Variants in CDH13 observed in about 807,000 individuals in gnomAD.
CDH13 encodes the protein cadherin-13.
A neutral mutation model predicts 63.8 loss-of-function variants in CDH13; 24 were observed. The ratio of observed to expected loss-of-function variants is 0.38; its 90% CI spans 0.27 to 0.53. The LOEUF (loss-of-function observed/expected upper bound fraction) is 0.53, where lower values mean the gene tolerates loss of function less well. Ranked by LOEUF, CDH13 falls within the 20% of genes least tolerant of loss-of-function variation. The pLI is 0.85. For missense variants in CDH13, 1,049 were observed against 903.1 expected (o/e 1.16, Z -2.07); for synonymous variants, 503 against 355.3 (o/e 1.42, Z -4.67).
chr16:82,725,323 G>A (rs1428234823), intron 1 of CDH13, among the ~76,000 whole-genome samples: 1 of 152,130 alleles, frequency 6.6e-6, no homozygotes, highest in Non-Finnish European at 1.5e-5. Context: ...TGTGGCCTTG[G>A]GCAGAGCATA....
intron 1 of CDH13, among the ~76,000 whole-genome samples, chr16:82,647,045 A>T (rs1910177881): frequency 1.3e-5 from 2 of 152,130 alleles, no homozygotes; most frequent in Non-Finnish European, 2.9e-5. Context: ...GTACACCATG[A>T]CAGTTAAGAG....
At chr16:82,731,603 T>C (rs1053727054) in intron 1 of CDH13, among the ~76,000 whole-genome samples, 12 of 152,236 alleles carry the variant, frequency 7.9e-5, no homozygotes, top group African/African-American at 2.7e-4. Flanking sequence ...ATCTTGCTTG[T>C]TCATTTAAAT....
chr16:82,859,086 A>G (rs1306790258), intron 2 of CDH13: 1 of 152,340 alleles, frequency 6.6e-6, no homozygotes, highest in Non-Finnish European at 1.5e-5. Context: ...TTTTAATGTC[A>G]ATATTATATT....
intron 3 of CDH13, among the ~76,000 whole-genome samples, chr16:83,076,512 T>A (rs992312543): frequency 2.6e-5 from 4 of 152,176 alleles, no homozygotes; most frequent in African/African-American, 9.7e-5. Context: ...TATTTTATTG[T>A]GAACATTTTC....
chr16:83,012,654 C>T (rs1019404972), intron 2 of CDH13, among the ~76,000 whole-genome samples: 4 of 152,102 alleles, frequency 2.6e-5, no homozygotes, highest in East Asian at 3.9e-4. Context: ...GTTTTGCACC[C>T]GAACTTGATC....
At position 82,676,128 on chromosome 16, in the gene CDH13, T is replaced by C. The variant is rs1189864878; in HGVS notation, c.45+48991T>C. Among the ~76,000 whole-genome samples, 8 of 152,354 alleles carry C rather than the reference T, an allele frequency of 5.3e-5. No individual in the cohort carries two copies. In the East Asian group the frequency reaches 1.5e-3, roughly 29 times the overall value. On this transcript the variant is annotated intron_variant, in intron 1 of 13. Transcript: ENST00000567109. ...TTTATTTTCACAATGATCTCATCCA[T>C]GTCCATGGATTCAACTTTATCTACC...
At chr16:82,861,943 A>G (rs1237308151) in intron 2 of CDH13, among the ~76,000 whole-genome samples, 1 of 152,226 alleles carries the variant, frequency 6.6e-6, no homozygotes, top group African/African-American at 2.4e-5. Context: ...TCAGTCTTGA[A>G]AGTTTATCTG....
In CDH13 at chr16:82,869,943, G is replaced by C. The variant is rs549803916; in HGVS notation, c.157+11470G>C. Among the ~76,000 whole-genome samples the C allele has an allele frequency of 2.6e-5, 4 of 152,192 alleles. No individual in the cohort carries two copies. The East Asian group carries it at 7.7e-4, about 29-fold the overall frequency. ...TTGGCAAAGATTTCTTAAGACCTGA[G>C]AAGCATGGGAAACTGAAACAAAAAT... is the stretch of plus-strand genomic sequence containing the variant. On this transcript the variant is annotated intron_variant, in intron 2 of 13. Transcript: ENST00000567109.
intron 3 of CDH13, among the ~76,000 whole-genome samples, chr16:83,117,852 G>A (rs192770243): frequency 2.6e-5 from 4 of 151,986 alleles, no homozygotes; most frequent in South Asian, 2.1e-4. Context: ...TCTTTGGGGC[G>A]AGTGTTGTGG....
chr16:83,068,231 A>T (rs1461942745), intron 3 of CDH13, among the ~76,000 whole-genome samples: 1 of 152,234 alleles, frequency 6.6e-6, no homozygotes, highest in African/African-American at 2.4e-5. Flanking sequence ...ACATCATTCT[A>T]ATCATTTTAT....
intron 1 of CDH13, among the ~76,000 whole-genome samples, chr16:82,742,687 G>A (rs1460627773): frequency 6.6e-6 from 1 of 152,154 alleles, no homozygotes; most frequent in Non-Finnish European, 1.5e-5. Context: ...GATAAAGTAG[G>A]AATATGATGT....
At chr16:83,170,751 G>A (rs551513874) in intron 4 of CDH13, among the ~76,000 whole-genome samples, 8 of 152,190 alleles carry the variant, frequency 5.3e-5, no homozygotes, top group South Asian at 2.1e-4. Context: ...TCCAAGAGTC[G>A]TAACATTATC....
intron 5 of CDH13, among the ~76,000 whole-genome samples, chr16:83,330,170 T>A (rs1328563754): frequency 6.6e-6 from 1 of 152,140 alleles, no homozygotes; most frequent in Admixed American, 6.6e-5. Context: ...GTAATAAAAT[T>A]ATGTATAACT....
At chr16:83,189,355 G>T (rs2038624428) in intron 4 of CDH13, among the ~76,000 whole-genome samples, 1 of 152,110 alleles carries the variant, frequency 6.6e-6, no homozygotes, top group African/African-American at 2.4e-5. Context: ...TTATTTCAAA[G>T]TTGTAAATCC....
At chr16:83,572,099 G>A (rs962760506) in intron 7 of CDH13, among the ~76,000 whole-genome samples, 2 of 151,914 alleles carry the variant, frequency 1.3e-5, no homozygotes, top group Non-Finnish European at 2.9e-5. Context: ...TAAGTGATCA[G>A]TAGATGTTAT....
intron 3 of CDH13, among the ~76,000 whole-genome samples, chr16:83,072,745 C>T (rs555388006): frequency 6.6e-6 from 1 of 152,224 alleles, no homozygotes; most frequent in African/African-American, 2.4e-5. Context: ...TTGGACCTCC[C>T]TAAAATTCCC....
intron 1 of CDH13, among the ~76,000 whole-genome samples, chr16:82,809,140 T>C (rs1040670091): frequency 1.3e-5 from 2 of 152,154 alleles, no homozygotes; most frequent in Admixed American, 6.6e-5. Context: ...AAAGTGGCTC[T>C]GTAAAATTTC....
chr16:83,253,039 G>T (rs1254413979), intron 5 of CDH13, among the ~76,000 whole-genome samples: 5 of 151,946 alleles, frequency 3.3e-5, no homozygotes, highest in Non-Finnish European at 5.9e-5. Context: ...CAAACCCTTA[G>T]CACAGCACCT....
intron 5 of CDH13, among the ~76,000 whole-genome samples, chr16:83,249,099 T>C (rs1195703599): frequency 6.6e-6 from 1 of 152,178 alleles, no homozygotes; most frequent in Non-Finnish European, 1.5e-5. Context: ...AAACACAAAT[T>C]CACCAACTTT....
Sources: gnomAD v4.1 joint callset for allele counts (sites outside exome capture counted in the v4.1 genomes callset) on GRCh38, gnomAD v4.1.1 for gene constraint, MANE v1.5 for transcripts, NCBI Gene and HGNC (gene_info 2026-07-23, HGNC 2026-07-21) for gene names.